The following FKBP6 variants were observed in gnomAD, a reference collection of about 807,000 sequenced individuals.
FKBP6 encodes inactive peptidyl-prolyl cis-trans isomerase FKBP6.
FKBP6 carries 29 observed loss-of-function variants against 41.7 expected under a neutral mutation model. The ratio of observed to expected loss-of-function variants is 0.70; its 90% CI spans 0.52 to 0.95. FKBP6 has a LOEUF of 0.95. FKBP6 is among the 40% of genes least tolerant of loss of function. FKBP6 has a pLI of 0.00. For synonymous variants in FKBP6, 130 were observed against 165.1 expected, an observed-to-expected ratio of 0.79 and a Z score of 1.63; for missense variants, 338 against 408.7, an observed-to-expected ratio of 0.83 and a Z score of 1.49.
intron 7 of FKBP6, among the ~76,000 whole-genome samples, chr7:73,341,832 T>C (rs1360940271): frequency 6.6e-6 from 1 of 151,650 alleles, no homozygotes; most frequent in Non-Finnish European, 1.5e-5. Context: ...TCTGGCTAAT[T>C]GTTTTTGTAT....
rs782143819 is a variant in FKBP6, at chr7:73,328,565, T to C, written c.58-10T>C. ...TGCGGCTCTGAGGCCTGGCTTTCAT[T>C]CTCCATCAGTCCCTGTACGAGCGGT... On this transcript the variant is annotated splice_polypyrimidine_tract_variant and intron_variant, in intron 1 of 8. Transcript: ENST00000252037. The C allele has an allele frequency of 4.4e-4, 700 of 1,583,640 alleles. No individual in the cohort carries two copies. The highest frequency in any genetic ancestry group is 5.9e-4 in the Non-Finnish European group (678 of 1,157,904).
chr7:73,336,853 G>A, intron 5 of FKBP6: 1 of 455,184 alleles, frequency 2.2e-6, no homozygotes, highest in South Asian at 1.6e-5. Context: ...AAAAAGCTCT[G>A]GAAGTACTTC....
At chr7:73,329,478 A>T (rs1554547147) in intron 3 of FKBP6, 29 bp downstream of exon 3, 2 of 1,369,984 alleles carry the variant, frequency 1.5e-6, no homozygotes, top group South Asian at 2.3e-5. Flanking sequence ...CTGGAGAAGA[A>T]GGAATTGTTT....
chr7:73,351,572 T>TGTGGCTATAAATACCTCAACTTCGGTG (rs1206280194), intron 8 of FKBP6, among the ~76,000 whole-genome samples: 2 of 152,192 alleles, frequency 1.3e-5, no homozygotes, highest in Non-Finnish European at 2.9e-5. Flanking sequence ...CCCTTTGTTG[T>TGTGGCTATAAATACCTCAACTTCGGTG]GTGGCTATAA....
Position 73,342,875 on chromosome 7 carries a change from G to A in FKBP6, c.962G>A (p.Gly321Asp), listed in dbSNP as rs1554549811. 6.2e-7 allele frequency: 1 copy of A among 1,613,746 alleles called. No individual in the cohort carries two copies. Residue 321 changes from glycine (G) to aspartate (D), a missense_variant, in exon 8 of 9, where the codon GGT becomes GAT. Physicochemically the swap from Gly to Asp is moderately conservative, Grantham distance 94 (BLOSUM62 -1). Transcript: ENST00000252037. ...CGCATGTTCGCGCCCTGTGGCGATG[G>A]TTCTACAGCAGGAGAAAGTTGAAGG... ...WHRMFAPCGD[G>D]STAGES is the part of the protein sequence containing the mutation.
At chr7:73,345,607 T>G (rs1227394393) in intron 8 of FKBP6, among the ~76,000 whole-genome samples, 1 of 152,168 alleles carries the variant, frequency 6.6e-6, no homozygotes, top group South Asian at 2.1e-4. Context: ...CATTTTACTG[T>G]GTCTGGAAAG....
chr7:73,345,977 T>C (rs1383013442), intron 8 of FKBP6, among the ~76,000 whole-genome samples: 1 of 152,156 alleles, frequency 6.6e-6, no homozygotes, highest in Admixed American at 6.5e-5. Context: ...TTAGATCACC[T>C]TCCTGGTCGT....
Position 73,328,234 on chromosome 7 carries a change from G to A in FKBP6, c.-195G>A, listed in dbSNP as rs782090759. On this transcript the variant is annotated 5_prime_UTR_variant, in exon 1 of 9. Coordinates refer to ENST00000252037, the MANE Select transcript of FKBP6 (RefSeq NM_003602.5). Reference sequence around the variant, plus strand: ...CGTGGCCTCTGTAGTTCCAGAGCTCGCGAGGGCCAGGGCCGTTGGCGGCGG... The same window carrying A: ...CGTGGCCTCTGTAGTTCCAGAGCTCACGAGGGCCAGGGCCGTTGGCGGCGG... The A allele has an allele frequency of 4.5e-6, 7 of 1,549,098 alleles. No individual in the cohort carries two copies. The highest frequency in any genetic ancestry group is 1.2e-5 in the South Asian group (1 of 83,972).
chr7:73,329,446 G>C lies in FKBP6; in HGVS notation c.262G>C (p.Glu88Gln). ...RKTPRLMKLGEDITLWGMELG... is the reference protein window; with the variant it reads ...RKTPRLMKLGQDITLWGMELG... Reference sequence around the variant, plus strand: ...AACTCCTCGGCTAATGAAACTTGGAGAGGGTAGGTTCAGAGTGGGAGCTGG... The same window carrying C: ...AACTCCTCGGCTAATGAAACTTGGACAGGGTAGGTTCAGAGTGGGAGCTGG... Residue 88 changes from glutamate (E) to glutamine (Q), a missense_variant, in exon 3 of 9, where the codon GAG becomes CAG. Physicochemically the swap from Glu to Gln is conservative, Grantham distance 29. Around this residue, in one of 2 missense-constraint regions of FKBP6, gnomAD observed 99 missense variants for 158.6 expected, o/e 0.62. Coordinates refer to ENST00000252037, the MANE Select transcript of FKBP6 (RefSeq NM_003602.5). 3 of 1,580,782 alleles carry C rather than the reference G, an allele frequency of 1.9e-6. No individual in the cohort carries two copies. The highest frequency in any genetic ancestry group is 2.2e-5 in the East Asian group (1 of 44,698).
chr7:73,334,018 G>A (rs1038614766), intron 5 of FKBP6, among the ~76,000 whole-genome samples: 10 of 152,136 alleles, frequency 6.6e-5, no homozygotes, highest in Non-Finnish European at 2.9e-5. Flanking sequence ...GTTGCAGTGA[G>A]CCAAGATGGC....
chr7:73,334,306 T>G (rs1024156251), intron 5 of FKBP6, among the ~76,000 whole-genome samples: 8 of 152,192 alleles, frequency 5.3e-5, no homozygotes, highest in Non-Finnish European at 1.2e-4. Context: ...AGTTATTTCT[T>G]TGATAATTTA....
intron 3 of FKBP6, 121 bp downstream of exon 3, chr7:73,329,570 G>T: frequency 1.3e-6 from 1 of 769,106 alleles, no homozygotes; most frequent in Non-Finnish European, 2.4e-6. Context: ...GCTGAGGCTG[G>T]GTTTTGGTAA....
Position 73,328,180 on chromosome 7 carries a change from C to T in FKBP6, c.-249C>T. ...TGTCCCATCATGTTTCGTGCGCTCC[C>T]ATTACGGATCATACCTCGCACCTCA... On this transcript the variant is annotated 5_prime_UTR_variant, in exon 1 of 9. Coordinates refer to ENST00000252037, the MANE Select transcript of FKBP6 (RefSeq NM_003602.5). 1.9e-6 allele frequency: 3 copies of T among 1,543,606 alleles called. No homozygotes were observed. Among genetic ancestry groups the T allele is most frequent in the African/African-American group, 1.4e-5 (1 of 72,994 alleles).
At chr7:73,341,143 G>A in intron 6 of FKBP6, 130 bp from the exon 7 acceptor site, 1 of 786,548 alleles carries the variant, frequency 1.3e-6, no homozygotes. Flanking sequence ...AGGCTGGTCT[G>A]GAATCCCTGA....
intron 3 of FKBP6, chr7:73,329,937 A>G (rs2115823924): frequency 4.9e-6 from 3 of 614,290 alleles, no homozygotes; most frequent in Admixed American, 2.7e-5. Context: ...GCTTCCTGGA[A>G]GTGGGGGCAT....
rs1563310068 is a variant in FKBP6, at chr7:73,330,173, C to T, written c.289C>T (p.Leu97=). The change falls in exon 4 of 9, where the codon CTG becomes TTG. Residue 97 remains leucine (L), a synonymous_variant. Coordinates refer to ENST00000252037, the MANE Select transcript of FKBP6 (RefSeq NM_003602.5). The part of the protein sequence containing the change: ...GEDITLWGME[L]GLLSMRRGEL... ...AGATATTACACTGTGGGGCATGGAG[C>T]TGGGCCTTCTGAGCATGCGGAGAGG... The T allele has an allele frequency of 1.2e-6, 2 of 1,613,670 alleles. No individual in the cohort carries two copies. The highest frequency in any genetic ancestry group is 1.7e-6 in the Non-Finnish European group (2 of 1,179,726).
At chr7:73,332,585 T>G (rs1487018973) in intron 5 of FKBP6, among the ~76,000 whole-genome samples, 1 of 151,680 alleles carries the variant, frequency 6.6e-6, no homozygotes, top group East Asian at 1.9e-4. Context: ...CTCGAGGGGA[T>G]AAGGGCTGGA....
At chr7:73,357,269 GTTT>G (rs11430645) in intron 8 of FKBP6, among the ~76,000 whole-genome samples, 1 of 96,812 alleles carries the variant, frequency 1.0e-5, no homozygotes, top group Admixed American at 1.2e-4. Context: ...GTTTGGTTTG[GTTT>G]TTTTTTTTTT....
intron 8 of FKBP6, among the ~76,000 whole-genome samples, chr7:73,352,106 C>T (rs1204383197): frequency 6.6e-6 from 1 of 152,190 alleles, no homozygotes; most frequent in African/African-American, 2.4e-5. Flanking sequence ...GCTGGGACTA[C>T]AAGTGTGTGC....
Sources: allele counts gnomAD v4.1 joint callset (sites outside exome capture counted in the v4.1 genomes callset), GRCh38; gene constraint gnomAD v4.1.1; regional missense constraint gnomAD v4.1.1; transcripts MANE v1.5; gene names NCBI Gene and HGNC (gene_info 2026-07-23, HGNC 2026-07-21).